The following GNB5 variants were observed in gnomAD, a reference collection of about 807,000 sequenced individuals.
GNB5 encodes the protein guanine nucleotide-binding protein subunit beta-5.
GNB5 carries 37 observed loss-of-function variants against 55.3 expected under a neutral mutation model. The ratio of observed to expected loss-of-function variants is 0.67; its 90% CI spans 0.51 to 0.88. The LOEUF is 0.88. Ranked by LOEUF, GNB5 falls within the 40% of genes least tolerant of loss-of-function variation. The probability of loss-of-function intolerance (pLI) is 0.00; values close to 1 mark genes in which losing one functional copy is unlikely to be tolerated. For missense variants in GNB5, 476 were observed against 515.3 expected (o/e 0.92, Z 0.74); for synonymous variants, 219 against 198.5 (o/e 1.10, Z -0.87).
At chr15:52,159,101 G>A (rs2034277485) in intron 3 of GNB5, among the ~76,000 whole-genome samples, 1 of 152,138 alleles carries the variant, frequency 6.6e-6, no homozygotes, top group Non-Finnish European at 1.5e-5. Context: ...TAATACTGAT[G>A]TAAAATTTTT....
At chr15:52,153,433 G>A (rs564575394) in intron 4 of GNB5, among the ~76,000 whole-genome samples, 1 of 152,136 alleles carries the variant, frequency 6.6e-6, no homozygotes, top group Non-Finnish European at 1.5e-5. Flanking sequence ...GAAACCATGC[G>A]AGATAATTAA....
intron 12 of GNB5, chr15:52,123,543 CT>C (rs34912697): frequency 0.17 from 23,748 of 139,896 alleles, 1,934 homozygotes; most frequent in South Asian, 0.23. Flanking sequence ...GAATGGGCTA[CT>C]TTTTTTTTTT....
chr15:52,190,117 A>AATTTTTTTTTTTTTTTTT (rs1566953519), intron 1 of GNB5, among the ~76,000 whole-genome samples: 1 of 143,954 alleles, frequency 6.9e-6, no homozygotes. Context: ...ATCTCAATAA[A>AATTTTTTTTTTTTTTTTT]TTTTTTTTTT....
chr15:52,172,604 A>G (rs1047416291), intron 3 of GNB5, among the ~76,000 whole-genome samples: 1 of 151,784 alleles, frequency 6.6e-6, no homozygotes, highest in African/African-American at 2.4e-5. Flanking sequence ...ACATGGAGAA[A>G]CCTCGTCTCT....
Position 52,117,102 on chromosome 15 carries a change from A to ATATATATATATATATATTTTTTTTTTTTT in GNB5, c.*5654_*5655insAAAAAAAAAAAAATATATATATATATATA. 35 of 87,084 alleles carry ATATATATATATATATATTTTTTTTTTTTT rather than the reference A, an allele frequency of 4.0e-4. 1 individual carries two copies. The highest frequency in any genetic ancestry group is 1.4e-3 in the African/African-American group (23 of 16,440). The allele number at this position is 87,084 out of a possible 1,614,324, so 5.4% of individuals were successfully genotyped here. A position where few individuals can be genotyped will look rare whatever the true frequency, so the allele number is the denominator to read the frequency against. ...CCACGCCCAGCTAATATATATATAT[A>ATATATATATATATATATTTTTTTTTTTTT]TTTTTTTTTAGTACAGACAGGGTTT... On this transcript the variant is annotated 3_prime_UTR_variant, in exon 13 of 13. Coordinates refer to ENST00000261837, the MANE Select transcript of GNB5 (RefSeq NM_016194.4).
chr15:52,152,348 C>T (rs78537134), intron 4 of GNB5, among the ~76,000 whole-genome samples: 1 of 149,640 alleles, frequency 6.7e-6, no homozygotes. Flanking sequence ...GAAAAAAAAA[C>T]AGTCTCGCCC....
chr15:52,149,458 C>T (rs1167594459), intron 5 of GNB5: 1 of 404,150 alleles, frequency 2.5e-6, no homozygotes, highest in Non-Finnish European at 4.5e-6. Context: ...TCTGCCCAGT[C>T]CCACTGCAGC....
At chr15:52,190,550 T>C (rs1163885191) in intron 1 of GNB5, among the ~76,000 whole-genome samples, 1 of 152,130 alleles carries the variant, frequency 6.6e-6, no homozygotes, top group East Asian at 1.9e-4. Flanking sequence ...AAAACTACGA[T>C]GTGATACAAC....
chr15:52,181,548 A>G (rs567751903), intron 2 of GNB5, among the ~76,000 whole-genome samples: 41 of 152,146 alleles, frequency 2.7e-4, no homozygotes, highest in Non-Finnish European at 4.6e-4. Flanking sequence ...CCCTGGAATC[A>G]GAGGTTGCAG....
intron 7 of GNB5, among the ~76,000 whole-genome samples, chr15:52,140,697 T>C (rs186125060): frequency 2.6e-5 from 4 of 152,344 alleles, no homozygotes; most frequent in Admixed American, 2.6e-4. Flanking sequence ...GTATTTAAAG[T>C]AGAGCAAAGA....
intron 3 of GNB5, among the ~76,000 whole-genome samples, chr15:52,165,524 G>T (rs150073206): frequency 6.6e-6 from 1 of 152,148 alleles, no homozygotes; most frequent in Non-Finnish European, 1.5e-5. Context: ...TTACAAGCCC[G>T]AAGAGAGTGG....
chr15:52,131,308 T>C (rs1477179454), intron 9 of GNB5, among the ~76,000 whole-genome samples: 1 of 152,214 alleles, frequency 6.6e-6, no homozygotes, highest in African/African-American at 2.4e-5. Context: ...TTACATCGCA[T>C]TTACACTTAC....
Position 52,116,933 on chromosome 15 carries a change from T to C in GNB5, c.*5824A>G, listed in dbSNP as rs929728913. ...CTTTGTTTTTCTTTTTTTTTTTCTT[T>C]GTTTTTTTGAGTCAGAGTCTCGCTC... On this transcript the variant is annotated 3_prime_UTR_variant, in exon 13 of 13. Coordinates refer to ENST00000261837, the MANE Select transcript of GNB5 (RefSeq NM_016194.4). 6.7e-6 allele frequency: 1 copy of C among 149,158 alleles called. No homozygotes were observed. The highest frequency in any genetic ancestry group is 2.1e-4 in the South Asian group (1 of 4,730). The allele number at this position is 149,158 out of a possible 1,614,324, so 9.2% of individuals were successfully genotyped here.
At chr15:52,137,415 T>A (rs1243251737) in intron 7 of GNB5, 2 of 1,027,902 alleles carry the variant, frequency 1.9e-6, no homozygotes, top group Non-Finnish European at 2.3e-6. Flanking sequence ...GGGGGGCCTA[T>A]GTCTGCACTA....
At position 52,154,040 on chromosome 15, in the gene GNB5, T is replaced by A; in HGVS notation, c.275A>T (p.Gln92Leu). 6.2e-7 allele frequency: 1 copy of A among 1,614,174 alleles called. No individual in the cohort carries two copies. The highest frequency in any genetic ancestry group is 8.5e-7 in the Non-Finnish European group (1 of 1,179,974). Residue 92 changes from glutamine (Q) to leucine (L), a missense_variant, in exon 4 of 13, where the codon CAG (glutamine) becomes CTG (leucine). Gln to Leu is a moderately radical substitution (Grantham distance 113). Transcript: ENST00000261837. ...GGTCCTTCTGGTCTTCATGACAAAC[T>A]GCCCCAGGGCCTCCACCCGCTCCGC... Reference protein sequence around the residue: ...QVAERVEALGQFVMKTRRTLK... With the variant: ...QVAERVEALGLFVMKTRRTLK...
intron 10 of GNB5, 86 bp downstream of exon 10, chr15:52,128,110 T>C: frequency 1.1e-6 from 1 of 896,424 alleles, no homozygotes; most frequent in South Asian, 1.4e-5. Flanking sequence ...GTTACTTCTG[T>C]AACCAGAAAA....
At chr15:52,157,249 C>A (rs1050982670) in intron 3 of GNB5, among the ~76,000 whole-genome samples, 7 of 126,612 alleles carry the variant, frequency 5.5e-5, no homozygotes, top group Non-Finnish European at 1.1e-4. Context: ...TTCTTATAGG[C>A]CTTTTTTTTT....
rs973745137 is a variant in GNB5 at position 52,160,955 on chromosome 15, A to G, written c.239-6879T>C. Among the ~76,000 whole-genome samples, 3 of 152,352 alleles carry G rather than the reference A, an allele frequency of 2.0e-5. No homozygotes were observed. In the South Asian group the frequency reaches 6.2e-4, roughly 32 times the overall value. On this transcript the variant is annotated intron_variant, in intron 3 of 12. Coordinates refer to ENST00000261837, the MANE Select transcript of GNB5 (RefSeq NM_016194.4). ...CCTTAGATAAATTTCAATTCGTGGA[A>G]TTACTGAGTCAAAGGGAAAGCATAT...
chr15:52,183,357 AAGC>A (rs1443965474), intron 2 of GNB5, among the ~76,000 whole-genome samples: 1 of 151,996 alleles, frequency 6.6e-6, no homozygotes, highest in Non-Finnish European at 1.5e-5. Flanking sequence ...GGCCCCCAGA[AAGC>A]AGGTTTATTT....
Sources: allele counts gnomAD v4.1 joint callset (sites outside exome capture counted in the v4.1 genomes callset), GRCh38; gene constraint gnomAD v4.1.1; transcripts MANE v1.5; gene names NCBI Gene and HGNC (gene_info 2026-07-23, HGNC 2026-07-21).